The following PUM1 variants were observed in gnomAD, a reference collection of about 807,000 sequenced individuals.
The protein encoded by PUM1 is pumilio RNA binding family member 1, also known as pumilio homolog 1.
A neutral mutation model predicts 131.8 loss-of-function variants in PUM1; 13 were observed. That is an observed-to-expected ratio of 0.10 (90% CI 0.06 to 0.16). The LOEUF (loss-of-function observed/expected upper bound fraction) is 0.16, where lower values mean the gene tolerates loss of function less well. PUM1 is among the 10% of genes least tolerant of loss of function. The pLI, the probability that PUM1 is intolerant of heterozygous loss-of-function variation, is 1.00. For synonymous variants in PUM1, 509 were observed against 556.5 expected, an observed-to-expected ratio of 0.91 and a Z score of 1.20; for missense variants, 961 against 1,512.4, an observed-to-expected ratio of 0.64 and a Z score of 6.05.
rs184376941 is a variant in PUM1, at chr1:31,000,662, G to C, written c.720+5191C>G. ...TGATCTTAAAAGAAAGCTTCACACA[G>C]CAGAAGTCATATTTAATGGGATTAG... On this transcript the variant is annotated intron_variant, in intron 5 of 21. Coordinates refer to ENST00000426105, the MANE Select transcript of PUM1 (RefSeq NM_001020658.2). 7.9e-4 allele frequency among the ~76,000 whole-genome samples: 121 copies of C among 152,244 alleles called. 1 individual carries two copies. The highest frequency in any genetic ancestry group is 2.2e-3 in the African/African-American group (92 of 41,552).
chr1:30,962,604 G>A (rs1007351419), intron 14 of PUM1, among the ~76,000 whole-genome samples: 2 of 151,996 alleles, frequency 1.3e-5, no homozygotes, highest in Non-Finnish European at 2.9e-5. Flanking sequence ...TAGAGGCGGG[G>A]CTTCACTATG....
intron 2 of PUM1, among the ~76,000 whole-genome samples, chr1:31,038,984 A>ATATATATATATATATATTTTT: frequency 1.0e-4 from 5 of 49,412 alleles, no homozygotes; most frequent in African/African-American, 6.2e-4. Flanking sequence ...ATATATATAT[A>ATATATATATATATATATTTTT]TTTTTTTTTT....
chr1:30,984,807 T>C (rs553623653), intron 7 of PUM1, among the ~76,000 whole-genome samples: 3 of 152,218 alleles, frequency 2.0e-5, no homozygotes, highest in Non-Finnish European at 4.4e-5. Flanking sequence ...CTATTATTAC[T>C]GTTGTTGTTA....
rs375364690 is a variant in PUM1, at chr1:30,932,533, G to C, written c.*678C>G. On this transcript the variant is annotated 3_prime_UTR_variant, in exon 22 of 22. Transcript: ENST00000426105. ...CTGGGTGCTCGCATCTCCTCCTCAC[G>C]AACAGCCTTCTTCAGCATAATATAG... 6.6e-6 allele frequency: 1 copy of C among 151,140 alleles called. No homozygotes were observed. The highest frequency in any genetic ancestry group is 1.5e-5 in the Non-Finnish European group (1 of 67,866). 9.4% of individuals were successfully genotyped at this position (151,140 alleles called of 1,614,324 possible). A position where few individuals can be genotyped will look rare whatever the true frequency, so the allele number is the denominator to read the frequency against.
At chr1:31,056,188 T>C (rs188205670) in intron 2 of PUM1, among the ~76,000 whole-genome samples, 2 of 152,328 alleles carry the variant, frequency 1.3e-5, no homozygotes, top group Admixed American at 1.3e-4. Context: ...CTCTGTACTT[T>C]TCCTCCATTA....
chr1:30,969,385 G>A (rs1453240721), intron 10 of PUM1, among the ~76,000 whole-genome samples: 1 of 148,824 alleles, frequency 6.7e-6, no homozygotes, highest in Admixed American at 6.7e-5. Context: ...CAGACAAGAT[G>A]AACAGGGGTA....
chr1:31,037,379 TTTA>T (rs1643645230), intron 2 of PUM1: 1 of 152,102 alleles, frequency 6.6e-6, no homozygotes, highest in Non-Finnish European at 1.5e-5. Context: ...AGTGAAAAGG[TTTA>T]TTAAGTCTGG....
At chr1:31,017,513 AT>A (rs1168481024) in intron 3 of PUM1, among the ~76,000 whole-genome samples, 1 of 151,484 alleles carries the variant, frequency 6.6e-6, no homozygotes, top group Non-Finnish European at 1.5e-5. Flanking sequence ...TTATTTTGCG[AT>A]TTTTTTCTTC....
chr1:31,012,832 GCTT>G (rs1202785796), intron 3 of PUM1, among the ~76,000 whole-genome samples: 3 of 152,046 alleles, frequency 2.0e-5, no homozygotes, highest in Non-Finnish European at 2.9e-5. Flanking sequence ...GAAACTCTAA[GCTT>G]CTTATTTTAA....
At chr1:30,991,665 T>C (rs1314938625) in intron 7 of PUM1, among the ~76,000 whole-genome samples, 3 of 152,200 alleles carry the variant, frequency 2.0e-5, no homozygotes, top group Admixed American at 2.0e-4. Flanking sequence ...TTAACAAGAT[T>C]GGGAAACTAA....
rs1426836867 is a variant in PUM1 at position 30,937,137 on chromosome 1, CAG to C, written c.3243-304_3243-303del. Among the ~76,000 whole-genome samples the C allele has an allele frequency of 3.9e-5, 6 of 152,238 alleles. No individual in the cohort carries two copies. In the Middle Eastern group the frequency reaches 0.01, roughly 259 times the overall value. Reference sequence around the variant, plus strand: ...GCCATACTACTGCATACTGACCACCCAGAGAGACCAGGTCTTCAAGGACATGG... The same window carrying C: ...GCCATACTACTGCATACTGACCACCCAGAGACCAGGTCTTCAAGGACATGG... On this transcript the variant is annotated intron_variant, in intron 20 of 21. Coordinates refer to ENST00000426105, the MANE Select transcript of PUM1 (RefSeq NM_001020658.2).
intron 21 of PUM1, 87 bp from the exon 22 acceptor site, chr1:30,933,429 C>CACACACAT (rs1639042038): frequency 9.8e-7 from 1 of 1,024,696 alleles, no homozygotes; most frequent in East Asian, 2.6e-5. Flanking sequence ...TGTCATGCAT[C>CACACACAT]ACACACACAT....
intron 3 of PUM1, among the ~76,000 whole-genome samples, chr1:31,019,726 T>C (rs993709447): frequency 1.3e-5 from 2 of 152,200 alleles, no homozygotes; most frequent in African/African-American, 2.4e-5. Context: ...AAACTTCTCT[T>C]CTCTACTGTC....
At chr1:30,977,442 A>G (rs1297236800) in intron 9 of PUM1, among the ~76,000 whole-genome samples, 1 of 152,168 alleles carries the variant, frequency 6.6e-6, no homozygotes, top group Non-Finnish European at 1.5e-5. Context: ...AAGGACTGCT[A>G]TTACCATTAA....
At chr1:31,007,952 G>A (rs1293072975) in intron 3 of PUM1, among the ~76,000 whole-genome samples, 6 of 152,154 alleles carry the variant, frequency 3.9e-5, no homozygotes, top group Admixed American at 2.6e-4. Flanking sequence ...CTTGGTTCTG[G>A]TCATCAGCTT....
At chr1:31,023,186 G>A (rs1329271190) in intron 3 of PUM1, among the ~76,000 whole-genome samples, 7 of 150,298 alleles carry the variant, frequency 4.7e-5, no homozygotes, top group Admixed American at 1.3e-4. Context: ...AAAAAAAAAA[G>A]GCTACATTTT....
intron 5 of PUM1, among the ~76,000 whole-genome samples, chr1:30,999,282 G>T (rs1642100673): frequency 6.6e-6 from 1 of 152,070 alleles, no homozygotes; most frequent in African/African-American, 2.4e-5. Flanking sequence ...TTACAAGTGT[G>T]AGCCATAACA....
At chr1:30,969,230 G>A (rs1164508303) in intron 10 of PUM1, among the ~76,000 whole-genome samples, 1 of 151,246 alleles carries the variant, frequency 6.6e-6, no homozygotes, top group Admixed American at 6.6e-5. Flanking sequence ...CTTGAACCTG[G>A]GAGGCGGAGG....
Position 31,005,842 on chromosome 1 carries a change from A to C in PUM1, c.720+11T>G. The C allele has an allele frequency of 1.3e-6, 2 of 1,580,084 alleles. No individual in the cohort carries two copies. Among genetic ancestry groups the C allele is most frequent in the Non-Finnish European group, 1.7e-6 (2 of 1,164,934 alleles). On this transcript the variant is annotated intron_variant, in intron 5 of 21. Transcript: ENST00000426105. ...GAGAGAGATAGGAACAAGTTCCTCA[A>C]GCCAACTTACAAATCCTCCTTTTCT...
Sources: allele counts gnomAD v4.1 joint callset (sites outside exome capture counted in the v4.1 genomes callset), GRCh38; gene constraint gnomAD v4.1.1; transcripts MANE v1.5; gene names NCBI Gene and HGNC (gene_info 2026-07-23, HGNC 2026-07-21).